TNS3: variants seen among roughly 807,000 people sequenced by gnomAD.
TNS3 encodes tensin-3.
Under a neutral mutation model 140.9 loss-of-function variants are expected in TNS3, and 45 were observed. That is an observed-to-expected ratio of 0.32 (90% CI 0.25 to 0.41). The LOEUF is 0.41. Among genes scored for constraint, TNS3 ranks in the 10% least tolerant of loss-of-function variants. The pLI is 1.00. For missense variants in TNS3, 1,716 were observed against 1,906.7 expected (o/e 0.90, Z 1.86); for synonymous variants, 815 against 788.4 (o/e 1.03, Z -0.56).
chr7:47,546,057 C>CT (rs1799911886), intron 1 of TNS3, among the ~76,000 whole-genome samples: 1 of 152,210 alleles, frequency 6.6e-6, no homozygotes, highest in Admixed American at 6.5e-5. Context: ...GTGCCCTGCT[C>CT]TCCTGTAGCC....
At chr7:47,475,576 G>A (rs1171714931) in intron 4 of TNS3, among the ~76,000 whole-genome samples, 2 of 152,226 alleles carry the variant, frequency 1.3e-5, no homozygotes, top group Admixed American at 1.3e-4. Flanking sequence ...CTGGCTGTGG[G>A]CTGCCCAGGA....
chr7:47,333,609 T>A (rs567909408), intron 20 of TNS3, among the ~76,000 whole-genome samples: 1 of 152,284 alleles, frequency 6.6e-6, no homozygotes, highest in East Asian at 1.9e-4. Flanking sequence ...TCATAAAAAT[T>A]CAACAGAAAA....
At chr7:47,285,360 G>C (rs1202208591) in intron 27 of TNS3, among the ~76,000 whole-genome samples, 1 of 152,206 alleles carries the variant, frequency 6.6e-6, no homozygotes, top group African/African-American at 2.4e-5. Context: ...TGTGGTGGGA[G>C]CAACCTGGTG....
chr7:47,416,839 A>C (rs1233573823), intron 10 of TNS3, among the ~76,000 whole-genome samples: 1 of 152,190 alleles, frequency 6.6e-6, no homozygotes, highest in Non-Finnish European at 1.5e-5. Flanking sequence ...TTTGAGTAAA[A>C]GTGAGGAACC....
intron 17 of TNS3, among the ~76,000 whole-genome samples, chr7:47,350,747 C>T (rs962817696): frequency 5.9e-5 from 9 of 152,128 alleles, no homozygotes; most frequent in African/African-American, 1.7e-4. Context: ...TTAGGGGATC[C>T]TACAGATAAT....
chr7:47,352,104 T>G (rs1389237794), intron 17 of TNS3, among the ~76,000 whole-genome samples: 1 of 104,588 alleles, frequency 9.6e-6, no homozygotes, highest in Non-Finnish European at 2.2e-5. Flanking sequence ...ACCTGCATAC[T>G]TCACACTCTT....
At chr7:47,322,339 T>C (rs1787789148) in intron 20 of TNS3, among the ~76,000 whole-genome samples, 2 of 150,248 alleles carry the variant, frequency 1.3e-5, no homozygotes, top group African/African-American at 2.5e-5. Flanking sequence ...CTGACCAACA[T>C]GGTGAAACCC....
intron 2 of TNS3, among the ~76,000 whole-genome samples, chr7:47,510,987 G>A (rs1341438918): frequency 1.3e-5 from 2 of 151,848 alleles, no homozygotes; most frequent in Admixed American, 1.3e-4. Flanking sequence ...TAACAAATAT[G>A]TCAACATTTA....
chr7:47,496,655 C>T (rs138684159), intron 3 of TNS3, among the ~76,000 whole-genome samples: 4 of 152,310 alleles, frequency 2.6e-5, no homozygotes, highest in South Asian at 2.1e-4. Context: ...TCCACGCACA[C>T]GCAGTACAGA....
intron 1 of TNS3, among the ~76,000 whole-genome samples, chr7:47,535,685 T>C (rs1382969586): frequency 6.6e-6 from 1 of 152,208 alleles, no homozygotes; most frequent in African/African-American, 2.4e-5. Context: ...ACACAGTAAT[T>C]AGTGCTGGTC....
chr7:47,369,540 C>T lies in TNS3; in HGVS notation c.1106G>A (p.Gly369Asp). Residue 369 changes from glycine (G) to aspartate (D), a missense_variant, in exon 17 of 31, where the codon GGT (glycine) becomes GAT (aspartate). Physicochemically the swap from Gly to Asp is moderately conservative, Grantham distance 94. Around this residue, in one of 3 missense-constraint regions of TNS3, gnomAD observed 1,163 missense variants for 1,182.1 expected, o/e 0.98. Coordinates refer to ENST00000311160, the MANE Select transcript of TNS3 (RefSeq NM_022748.12). Reference protein sequence around the residue: ...KKSSSDPGIPGGPQAIPATNS... With the variant: ...KKSSSDPGIPDGPQAIPATNS... ...GGTGGCCGGGATTGCCTGGGGGCCA[C>T]CTGGGATGCCAGGATCCGAGGAGCT... The T allele has an allele frequency of 6.2e-7, 1 of 1,613,360 alleles. No homozygotes were observed. The highest frequency in any genetic ancestry group is 8.5e-7 in the Non-Finnish European group (1 of 1,179,674).
chr7:47,400,941 A>C, intron 13 of TNS3, 27 bp from the exon 14 acceptor site: 1 of 1,611,660 alleles, frequency 6.2e-7, no homozygotes, highest in Non-Finnish European at 8.5e-7. Flanking sequence ...AAACAAAACA[A>C]AGTAGCTGCA....
intron 20 of TNS3, among the ~76,000 whole-genome samples, chr7:47,332,082 C>G (rs1417150373): frequency 1.3e-5 from 2 of 152,220 alleles, no homozygotes; most frequent in Non-Finnish European, 2.9e-5. Flanking sequence ...CCCAGACCCT[C>G]CCAAGTGTGT....
chr7:47,402,072 C>T (rs971252047), intron 13 of TNS3, among the ~76,000 whole-genome samples: 15 of 152,228 alleles, frequency 9.9e-5, no homozygotes, highest in African/African-American at 2.6e-4. Context: ...GACCAGCATG[C>T]GGGAGAATTC....
chr7:47,414,017 G>A lies in TNS3; in HGVS notation c.587-20C>T, dbSNP rs535121322. On this transcript the variant is annotated intron_variant, in intron 11 of 30. Transcript: ENST00000311160. ...GGCACACTGAAAGAAAGGCACAACTGTCTGTAGAGGCATGACCGGTACAGA... is the reference window on the plus strand; with the variant it reads ...GGCACACTGAAAGAAAGGCACAACTATCTGTAGAGGCATGACCGGTACAGA... The A allele has an allele frequency of 3.7e-6, 6 of 1,613,304 alleles. No homozygotes were observed. The African/African-American group carries it at 5.3e-5, about 14-fold the overall frequency.
At chr7:47,430,942 C>T (rs993293264) in intron 8 of TNS3, among the ~76,000 whole-genome samples, 4 of 151,916 alleles carry the variant, frequency 2.6e-5, no homozygotes, top group African/African-American at 4.8e-5. Flanking sequence ...AGGCTGGTCT[C>T]GAACTCCTGA....
intron 3 of TNS3, among the ~76,000 whole-genome samples, chr7:47,486,878 A>G (rs1164936674): frequency 6.6e-6 from 1 of 152,256 alleles, no homozygotes; most frequent in East Asian, 1.9e-4. Context: ...TTCTGTATAA[A>G]CATGCATATT....
chr7:47,581,405 A>G (rs1006755745), intron 1 of TNS3: 1 of 118,118 alleles, frequency 8.5e-6, no homozygotes, highest in Non-Finnish European at 1.7e-5. Flanking sequence ...CCTCCCACCC[A>G]CCAAAGGGAA....
intron 20 of TNS3, among the ~76,000 whole-genome samples, chr7:47,312,596 G>C (rs753221013): frequency 6.6e-6 from 1 of 151,918 alleles, no homozygotes; most frequent in African/African-American, 2.4e-5. Flanking sequence ...CCAGCTACTC[G>C]GGAGGCTAAG....
Sources: gnomAD v4.1 joint callset for allele counts (sites outside exome capture counted in the v4.1 genomes callset) on GRCh38, gnomAD v4.1.1 for gene constraint, gnomAD v4.1.1 regional missense constraint, MANE v1.5 for transcripts, NCBI Gene and HGNC (gene_info 2026-07-23, HGNC 2026-07-21) for gene names.